SLC31A2: variants seen among roughly 807,000 people sequenced by gnomAD.
SLC31A2 encodes solute carrier family 31 member 2, also known as protein SLC31A2.
SLC31A2 carries 16 observed loss-of-function variants against 14.4 expected under a neutral mutation model. The ratio of observed to expected loss-of-function variants is 1.11; its 90% confidence interval spans 0.75 to 1.69. SLC31A2 has a LOEUF of 1.69. SLC31A2 is among the 40% of genes most tolerant of loss of function. SLC31A2 has a pLI of 0.00. For missense variants in SLC31A2, 140 were observed against 173.9 expected, an observed-to-expected ratio of 0.81 and a Z score of 1.10; for synonymous variants, 56 against 68.7, an observed-to-expected ratio of 0.82 and a Z score of 0.91.
rs72756150 is a variant in SLC31A2, at chr9:113,153,302, C to G, written c.6+2222C>G. On this transcript the variant is annotated intron_variant, in intron 1 of 3. Transcript: ENST00000259392. ...CATTTTTTAAAGTCTTCAACATGATCTTTATCATGTTGTGATGTGACCGCC... is the reference window on the plus strand; with the variant it reads ...CATTTTTTAAAGTCTTCAACATGATGTTTATCATGTTGTGATGTGACCGCC... 4.1e-3 allele frequency among the ~76,000 whole-genome samples: 629 copies of G among 152,130 alleles called. 1 individual carries two copies. Among genetic ancestry groups the G allele is most frequent in the Non-Finnish European group, 5.4e-3 (370 of 67,994 alleles).
intron 2 of SLC31A2, among the ~76,000 whole-genome samples, chr9:113,159,324 G>T (rs1351242644): frequency 6.6e-6 from 1 of 151,944 alleles, no homozygotes; most frequent in Non-Finnish European, 1.5e-5. Context: ...GTAGAGACAG[G>T]GTTTCACCAC....
At chr9:113,158,735 A>G (rs868038918) in intron 2 of SLC31A2, among the ~76,000 whole-genome samples, 7 of 152,242 alleles carry the variant, frequency 4.6e-5, no homozygotes, top group African/African-American at 1.7e-4. Context: ...AGTACGTGGG[A>G]TTTTCAAGAC....
intron 2 of SLC31A2, among the ~76,000 whole-genome samples, chr9:113,160,066 A>G (rs1332929750): frequency 1.3e-5 from 2 of 152,092 alleles, no homozygotes; most frequent in Non-Finnish European, 2.9e-5. Context: ...AATCCCAGCT[A>G]CTTGGGAGGC....
chr9:113,163,178 T>C lies in SLC31A2; in HGVS notation c.*261T>C, dbSNP rs1435549864. ...GCTGTGACCAAAGGGAGAATGGAGA[T>C]AACAGGGGTGGCAGGGTTACTGAGC... On this transcript the variant is annotated 3_prime_UTR_variant, in exon 4 of 4. Transcript: ENST00000259392. 1 of 301,686 alleles carries C rather than the reference T, an allele frequency of 3.3e-6. No homozygotes were observed. Among genetic ancestry groups the C allele is most frequent in the Non-Finnish European group, 6.1e-6 (1 of 164,110 alleles). 18.7% of individuals were successfully genotyped at this position (301,686 alleles called of 1,614,324 possible).
intron 2 of SLC31A2, among the ~76,000 whole-genome samples, chr9:113,159,228 TC>T (rs1165927388): frequency 6.6e-6 from 1 of 152,098 alleles, no homozygotes; most frequent in Non-Finnish European, 1.5e-5. Context: ...CCTCCCAGGT[TC>T]AAGCAATTCT....
intron 2 of SLC31A2, chr9:113,161,231 T>G: frequency 1.8e-5 from 8 of 443,692 alleles, no homozygotes; most frequent in South Asian, 2.8e-5. Flanking sequence ...TCACGACAGA[T>G]TTGTGCAGCC....
Position 113,151,213 on chromosome 9 carries a change from C to T in SLC31A2, c.6+133C>T. On this transcript the variant is annotated intron_variant, in intron 1 of 3. Coordinates refer to ENST00000259392, the MANE Select transcript of SLC31A2 (RefSeq NM_001860.3). This position sits in a 1 kb window ranked among gnomAD's most constrained non-coding sequence, Gnocchi z 4.2. ...AAGGGTGTGTTGGCAGCATTGCCAA[C>T]AGCTGGAACAGGGTTGGGGGACGCG... is the stretch of plus-strand genomic sequence containing the variant. 1 of 943,552 alleles carries T rather than the reference C, an allele frequency of 1.1e-6. No homozygotes were observed. Among genetic ancestry groups the T allele is most frequent in the Non-Finnish European group, 1.4e-6 (1 of 710,020 alleles). The allele number at this position is 943,552 out of a possible 1,614,324, so 58.4% of individuals were successfully genotyped here. A position where few individuals can be genotyped will look rare whatever the true frequency, so the allele number is the denominator to read the frequency against.
At chr9:113,156,818 T>C (rs961050915) in intron 1 of SLC31A2, among the ~76,000 whole-genome samples, 2 of 152,148 alleles carry the variant, frequency 1.3e-5, no homozygotes, top group South Asian at 2.1e-4. Flanking sequence ...TTCTTGGAGA[T>C]TGGGAGGAAG....
Position 113,151,155 on chromosome 9 carries a change from C to T in SLC31A2, c.6+75C>T, listed in dbSNP as rs576166017. The T allele has an allele frequency of 1.9e-4, 244 of 1,252,382 alleles. No homozygotes were observed. In the East Asian group the frequency reaches 5.8e-3, roughly 30 times the overall value. The allele number at this position is 1,252,382 out of a possible 1,614,324, so 77.6% of individuals were successfully genotyped here. ...TCCTGGAGCTGCCATCTCGGCACCC[C>T]GAATCCTCGCTGCCGCTGGCCCGGG... On this transcript the variant is annotated intron_variant, in intron 1 of 3. Transcript: ENST00000259392. The surrounding 1 kb of genome is among the most constrained non-coding windows in gnomAD (Gnocchi z 4.2).
chr9:113,155,429 T>C (rs1225524447), intron 1 of SLC31A2, among the ~76,000 whole-genome samples: 1 of 152,176 alleles, frequency 6.6e-6, no homozygotes, highest in African/African-American at 2.4e-5. Flanking sequence ...CCTCTTGAAA[T>C]TGAGTGAGTT....
intron 1 of SLC31A2, among the ~76,000 whole-genome samples, chr9:113,153,059 T>C (rs1365119342): frequency 6.6e-6 from 1 of 152,160 alleles, no homozygotes; most frequent in African/African-American, 2.4e-5. Context: ...TTCACAGTAT[T>C]GTTTGTACCT....
rs1829862851 is a variant in SLC31A2 at position 113,151,386 on chromosome 9, G to GGGCCCC, written c.6+307_6+312dup. On this transcript the variant is annotated intron_variant, in intron 1 of 3. Transcript: ENST00000259392. This position sits in a 1 kb window ranked among gnomAD's most constrained non-coding sequence, Gnocchi z 4.2. ...CGGTGGCTGAAGACAGCTGGGTCCGGGGCCCCCGGCCCCGGACCTCTGGCC... is the reference window on the plus strand; with the variant it reads ...CGGTGGCTGAAGACAGCTGGGTCCGGGGCCCCGGCCCCCGGCCCCGGACCTCTGGCC... 6.6e-6 allele frequency among the ~76,000 whole-genome samples: 1 copy of GGGCCCC among 151,940 alleles called. No individual in the cohort carries two copies. The highest frequency in any genetic ancestry group is 2.4e-5 in the African/African-American group (1 of 41,406).
At chr9:113,161,732 C>G (rs1830016680) in intron 3 of SLC31A2, 34 bp downstream of exon 3, 2 of 1,605,006 alleles carry the variant, frequency 1.2e-6, no homozygotes, top group Non-Finnish European at 1.7e-6. Context: ...GGGGCAGAAG[C>G]CTCACATTCA....
At chr9:113,161,764 A>C (rs1587942708) in intron 3 of SLC31A2, 66 bp downstream of exon 3, 1 of 1,540,480 alleles carries the variant, frequency 6.5e-7, no homozygotes. Context: ...AGGCTGGCCC[A>C]GACAGCATTA....
intron 1 of SLC31A2, chr9:113,156,220 C>T: frequency 2.0e-6 from 1 of 489,268 alleles, no homozygotes; most frequent in Non-Finnish European, 4.1e-6. Context: ...CACAGTCTCA[C>T]TCCATATCTT....
In SLC31A2 at chr9:113,155,202, G is replaced by T. The variant is rs1829918815; in HGVS notation, c.7-2525G>T. Among the ~76,000 whole-genome samples the T allele has an allele frequency of 1.3e-5, 2 of 152,188 alleles. 1 individual carries two copies. The highest frequency in any genetic ancestry group is 4.1e-4 in the South Asian group (2 of 4,836). ...GTAAGAAGACCCAGGATCCAGTCCT[G>T]ATGCTGCCACCAACTCACAGTGTGA... On this transcript the variant is annotated intron_variant, in intron 1 of 3. Transcript: ENST00000259392.
Position 113,161,591 on chromosome 9 carries a change from C to T in SLC31A2, c.156C>T (p.Asn52=), listed in dbSNP as rs959900957. Residue 52 remains asparagine, a synonymous_variant, in exon 3 of 4, where the codon AAC becomes AAT. Transcript: ENST00000259392. ...GIKVGKAKLL[N]QVLVNLPTSI... is the part of the protein sequence containing the mutation. Reference sequence around the variant, plus strand: ...AGGTTGGCAAAGCCAAGCTGCTCAACCAGGTACTGGTGAACCTGCCAACCT... The same window carrying T: ...AGGTTGGCAAAGCCAAGCTGCTCAATCAGGTACTGGTGAACCTGCCAACCT... 7 of 1,614,010 alleles carry T rather than the reference C, an allele frequency of 4.3e-6. No homozygotes were observed. Among genetic ancestry groups the T allele is most frequent in the Admixed American group, 3.3e-5 (2 of 60,026 alleles).
chr9:113,154,752 C>G (rs887295898), intron 1 of SLC31A2, among the ~76,000 whole-genome samples: 2 of 152,222 alleles, frequency 1.3e-5, no homozygotes, highest in Non-Finnish European at 2.9e-5. Flanking sequence ...GTGATCCGCT[C>G]CAGTGTCCTC....
At position 113,161,522 on chromosome 9, in the gene SLC31A2, G is replaced by C. The variant is rs745536512; in HGVS notation, c.87G>C (p.Ser29=). ...CTCCTTTGACAGGCATGGCCCTTTC[G>C]GTGTTGGTGCTCCTGCTTCTGGCTG... The part of the protein sequence containing the change: ...SVHSPAGMAL[S]VLVLLLLAVL... The change falls in exon 3 of 4, where the codon TCG becomes TCC. Residue 29 remains serine (S), a synonymous_variant. Coordinates refer to ENST00000259392, the MANE Select transcript of SLC31A2 (RefSeq NM_001860.3). 6.2e-7 allele frequency: 1 copy of C among 1,613,940 alleles called. No individual in the cohort carries two copies. Among genetic ancestry groups the C allele is most frequent in the South Asian group, 1.1e-5 (1 of 91,062 alleles).
Sources: gnomAD v4.1 joint callset for allele counts (sites outside exome capture counted in the v4.1 genomes callset) on GRCh38, gnomAD v4.1.1 for gene constraint, Gnocchi (gnomAD v3.1) non-coding constraint, MANE v1.5 for transcripts, NCBI Gene and HGNC (gene_info 2026-07-23, HGNC 2026-07-21) for gene names.